DAPK1: variants seen among roughly 807,000 people sequenced by gnomAD.
DAPK1 encodes the protein death-associated protein kinase 1.
DAPK1 carries 56 observed loss-of-function variants against 144.9 expected under a neutral mutation model. That is an observed-to-expected ratio of 0.39 (90% confidence interval 0.31 to 0.48). The LOEUF (loss-of-function observed/expected upper bound fraction) is 0.48, where lower values mean the gene tolerates loss of function less well. DAPK1 is among the 20% of genes least tolerant of loss of function. DAPK1 has a pLI of 0.95. For synonymous variants in DAPK1, 690 were observed against 749.0 expected (o/e 0.92, Z 1.29); for missense variants, 1,454 against 1,875.4 (o/e 0.78, Z 4.15).
chr9:87,562,193 C>T (rs1178364517), intron 2 of DAPK1, among the ~76,000 whole-genome samples: 3 of 152,248 alleles, frequency 2.0e-5, no homozygotes, highest in African/African-American at 7.2e-5. Context: ...GGTGATGGAA[C>T]GAAGACACAG....
At chr9:87,593,083 C>G (rs1337272161) in intron 2 of DAPK1, among the ~76,000 whole-genome samples, 1 of 152,204 alleles carries the variant, frequency 6.6e-6, no homozygotes, top group African/African-American at 2.4e-5. Flanking sequence ...GCCTGTGACT[C>G]TTGCAACCCC....
chr9:87,586,288 T>C (rs572389532), intron 2 of DAPK1, among the ~76,000 whole-genome samples: 1 of 152,280 alleles, frequency 6.6e-6, no homozygotes, highest in African/African-American at 2.4e-5. Context: ...AGGCCCTGTC[T>C]CCAAGAAAGA....
At chr9:87,609,906 G>A (rs1348596646) in intron 3 of DAPK1, among the ~76,000 whole-genome samples, 2 of 152,164 alleles carry the variant, frequency 1.3e-5, no homozygotes, top group African/African-American at 2.4e-5. Flanking sequence ...ACTTGTGCCT[G>A]TCTCTACCTT....
intron 21 of DAPK1, among the ~76,000 whole-genome samples, chr9:87,692,523 G>GT (rs1217384946): frequency 1.3e-5 from 2 of 151,822 alleles, no homozygotes; most frequent in Non-Finnish European, 2.9e-5. Context: ...TTATTAATTG[G>GT]TTTTTTGTTG....
chr9:87,505,611 G>C (rs1368426573), intron 2 of DAPK1, among the ~76,000 whole-genome samples: 1 of 152,156 alleles, frequency 6.6e-6, no homozygotes, highest in African/African-American at 2.4e-5. Flanking sequence ...TGGCCAGGCT[G>C]GTCTTGAACT....
At chr9:87,598,312 G>A (rs1009667443) in intron 2 of DAPK1, among the ~76,000 whole-genome samples, 4 of 152,310 alleles carry the variant, frequency 2.6e-5, no homozygotes, top group African/African-American at 9.6e-5. Context: ...TGGGAGGAGC[G>A]TAAAGATGGA....
rs181939835 is a variant in DAPK1, at chr9:87,628,361, T to G, written c.285-9582T>G. On this transcript the variant is annotated intron_variant, in intron 3 of 25. Coordinates refer to ENST00000408954, the MANE Select transcript of DAPK1 (RefSeq NM_004938.4). ...ACTTCGTTGATATGATTCATTTAAT[T>G]TGAGGGAAACAGAGCATAGAAGCAA... is the stretch of plus-strand genomic sequence containing the variant. Among the ~76,000 whole-genome samples, 295 of 152,324 alleles carry G rather than the reference T, an allele frequency of 1.9e-3. 4 individuals carry two copies. Among genetic ancestry groups the G allele is most frequent in the Non-Finnish European group, 3.5e-3 (236 of 68,028 alleles).
intron 2 of DAPK1, among the ~76,000 whole-genome samples, chr9:87,585,173 G>C (rs541263338): frequency 1.3e-5 from 2 of 152,296 alleles, no homozygotes; most frequent in South Asian, 4.1e-4. Flanking sequence ...TTTCTATGCA[G>C]AAACTTTTTC....
intron 2 of DAPK1, among the ~76,000 whole-genome samples, chr9:87,536,391 T>C (rs1415547057): frequency 6.6e-6 from 1 of 152,182 alleles, no homozygotes; most frequent in Non-Finnish European, 1.5e-5. Flanking sequence ...TGGTTTATGA[T>C]GCTGACTTTT....
chr9:87,677,408 C>T (rs1445336521), intron 19 of DAPK1, among the ~76,000 whole-genome samples: 1 of 152,132 alleles, frequency 6.6e-6, no homozygotes, highest in Non-Finnish European at 1.5e-5. Flanking sequence ...AGTGGAAGGG[C>T]CTGTGGGATT....
At chr9:87,561,252 C>T (rs1256800766) in intron 2 of DAPK1, among the ~76,000 whole-genome samples, 10 of 152,152 alleles carry the variant, frequency 6.6e-5, no homozygotes, top group Middle Eastern at 3.2e-3. Flanking sequence ...TGTGGCCGGG[C>T]GTAGTGGCTC....
intron 2 of DAPK1, among the ~76,000 whole-genome samples, chr9:87,565,120 C>T (rs759732814): frequency 3.3e-5 from 5 of 152,144 alleles, no homozygotes; most frequent in Non-Finnish European, 7.3e-5. Flanking sequence ...GCTCAAAGGG[C>T]CCGAGGTCAC....
At chr9:87,640,215 C>T in intron 7 of DAPK1, 83 bp from the exon 8 acceptor site, 1 of 1,314,524 alleles carries the variant, frequency 7.6e-7, no homozygotes, top group Non-Finnish European at 1.1e-6. Flanking sequence ...TAATCTTATT[C>T]CACACTCCAG....
chr9:87,640,725 C>T, intron 8 of DAPK1, 77 bp from the exon 9 acceptor site: 2 of 1,485,592 alleles, frequency 1.3e-6, no homozygotes, highest in East Asian at 2.3e-5. Flanking sequence ...GCTTGGCAGG[C>T]CCAGCCAGCA....
In DAPK1 at chr9:87,571,476, A is replaced by ACACACAC. The variant is rs771023885; in HGVS notation, c.63-33478_63-33477insCACACAC. ...ACACACACACACACACACACACACC[A>ACACACAC]ACACACACACACACACACCCCAACA... is the stretch of plus-strand genomic sequence containing the variant. On this transcript the variant is annotated intron_variant, in intron 2 of 25. Transcript: ENST00000408954. Among the ~76,000 whole-genome samples the ACACACAC allele has an allele frequency of 2.6e-3, 124 of 48,564 alleles. 1 individual carries two copies. The highest frequency in any genetic ancestry group is 3.4e-3 in the Admixed American group (14 of 4,176). 31.9% of individuals were successfully genotyped at this position (48,564 alleles called of 152,430 possible).
chr9:87,535,568 T>A (rs1825832204), intron 2 of DAPK1, among the ~76,000 whole-genome samples: 1 of 152,198 alleles, frequency 6.6e-6, no homozygotes, highest in African/African-American at 2.4e-5. Flanking sequence ...TGTCTATAAA[T>A]GTGATTTTTT....
chr9:87,645,812 G>A (rs1830247121), intron 11 of DAPK1, 83 bp from the exon 12 acceptor site: 1 of 1,538,072 alleles, frequency 6.5e-7, no homozygotes, highest in East Asian at 2.3e-5. Flanking sequence ...CTGTTAACAA[G>A]TGAGCACAGG....
intron 24 of DAPK1, chr9:87,701,803 C>T (rs1383535397): frequency 2.2e-6 from 1 of 462,712 alleles, no homozygotes; most frequent in Non-Finnish European, 4.5e-6. Flanking sequence ...GATGTGCTTC[C>T]AGAATTCTCG....
At chr9:87,614,971 G>C (rs1829046560) in intron 3 of DAPK1, among the ~76,000 whole-genome samples, 1 of 152,198 alleles carries the variant, frequency 6.6e-6, no homozygotes, top group African/African-American at 2.4e-5. Context: ...GAGACAGGCA[G>C]CCGGGGATGG....
Sources: gnomAD v4.1 joint callset for allele counts (sites outside exome capture counted in the v4.1 genomes callset) on GRCh38, gnomAD v4.1.1 for gene constraint, MANE v1.5 for transcripts, NCBI Gene and HGNC (gene_info 2026-07-23, HGNC 2026-07-21) for gene names.